The following ASAP1 variants were observed in gnomAD, a reference collection of about 807,000 sequenced individuals.
ASAP1 encodes ArfGAP with SH3 domain, ankyrin repeat and PH domain 1, also known as arf-GAP with SH3 domain, ANK repeat and PH domain-containing protein 1.
In ASAP1, 43 loss-of-function variants were observed where a neutral mutation model predicts 145.2. The ratio of observed to expected loss-of-function variants is 0.30; its 90% CI spans 0.23 to 0.38. The LOEUF (loss-of-function observed/expected upper bound fraction) is 0.38. ASAP1 is among the 10% of genes least tolerant of loss of function. ASAP1 has a pLI of 1.00. For missense variants in ASAP1, 1,018 were observed against 1,355.3 expected (o/e 0.75, Z 3.91); for synonymous variants, 546 against 515.5 (o/e 1.06, Z -0.80).
chr8:130,257,736 A>C (rs1360985392), intron 3 of ASAP1, among the ~76,000 whole-genome samples: 4 of 152,114 alleles, frequency 2.6e-5, no homozygotes, highest in African/African-American at 9.7e-5. Flanking sequence ...TGTTTTTTAA[A>C]AAATGTTTCT....
chr8:130,146,922 A>G (rs1310453504), intron 13 of ASAP1, among the ~76,000 whole-genome samples: 1 of 152,200 alleles, frequency 6.6e-6, no homozygotes, highest in African/African-American at 2.4e-5. Context: ...TAATGAAAAT[A>G]GCAATACAAA....
chr8:130,114,825 A>G (rs2097552340), intron 23 of ASAP1, among the ~76,000 whole-genome samples: 1 of 146,872 alleles, frequency 6.8e-6, no homozygotes, highest in Non-Finnish European at 1.5e-5. Context: ...TCAGGTCAAG[A>G]GTGCAGTAGT....
At chr8:130,360,713 G>A (rs1276429525) in intron 2 of ASAP1, 3 of 152,220 alleles carry the variant, frequency 2.0e-5, no homozygotes, top group African/African-American at 4.8e-5. Flanking sequence ...CACTTTAAAA[G>A]CTTGGTTTGG....
At chr8:130,064,234 C>A (rs2097425365) in intron 27 of ASAP1, among the ~76,000 whole-genome samples, 1 of 152,108 alleles carries the variant, frequency 6.6e-6, no homozygotes, top group African/African-American at 2.4e-5. Context: ...ACTGTCCAGA[C>A]AAGAGATGAT....
At chr8:130,067,924 C>G (rs942411387) in intron 27 of ASAP1, among the ~76,000 whole-genome samples, 1 of 152,188 alleles carries the variant, frequency 6.6e-6, no homozygotes, top group Non-Finnish European at 1.5e-5. Context: ...GAGCCGTACA[C>G]CACACATTTG....
chr8:130,170,695 T>C (rs1813533155), intron 9 of ASAP1, among the ~76,000 whole-genome samples: 1 of 152,112 alleles, frequency 6.6e-6, no homozygotes, highest in Non-Finnish European at 1.5e-5. Flanking sequence ...TAGTTAACCA[T>C]TTAACTGAAA....
At chr8:130,129,941 G>T (rs2097580566) in intron 15 of ASAP1, among the ~76,000 whole-genome samples, 1 of 152,200 alleles carries the variant, frequency 6.6e-6, no homozygotes, top group East Asian at 1.9e-4. Flanking sequence ...ACTAGAAATT[G>T]TTTTGTTAAA....
chr8:130,062,080 A>T (rs1339602328), intron 27 of ASAP1, among the ~76,000 whole-genome samples: 1 of 152,230 alleles, frequency 6.6e-6, no homozygotes, highest in African/African-American at 2.4e-5. Context: ...GGCAGGCTGT[A>T]AGCATTATGC....
intron 3 of ASAP1, among the ~76,000 whole-genome samples, chr8:130,278,737 C>T (rs1328845825): frequency 2.6e-5 from 4 of 152,254 alleles, no homozygotes; most frequent in East Asian, 1.9e-4. Context: ...AATATAAATA[C>T]GCATGGGTGA....
intron 1 of ASAP1, among the ~76,000 whole-genome samples, chr8:130,407,602 C>T (rs940248192): frequency 6.6e-6 from 1 of 152,224 alleles, no homozygotes; most frequent in African/African-American, 2.4e-5. Flanking sequence ...AAAGCACCTG[C>T]CTGCTAAAGT....
intron 5 of ASAP1, among the ~76,000 whole-genome samples, chr8:130,212,175 T>C (rs1398429577): frequency 6.6e-6 from 1 of 152,244 alleles, no homozygotes; most frequent in Non-Finnish European, 1.5e-5. Context: ...CTGCCTTTTA[T>C]TCAATCAGAA....
rs59481410 is a variant in ASAP1, at chr8:130,095,817, C to T, written c.2402-3674G>A. Among the ~76,000 whole-genome samples, 1,047 of 152,100 alleles carry T rather than the reference C, an allele frequency of 6.9e-3. 12 individuals are homozygous for T. Among genetic ancestry groups the T allele is most frequent in the African/African-American group, 0.024 (1,012 of 41,466 alleles). ...TATTTTTAGTAGAGATGGGGTTTCACCATGTTGGCCAGGCTGGTCTTGAAC... is the reference window on the plus strand; with the variant it reads ...TATTTTTAGTAGAGATGGGGTTTCATCATGTTGGCCAGGCTGGTCTTGAAC... On this transcript the variant is annotated intron_variant, in intron 24 of 29. Transcript: ENST00000518721.
intron 12 of ASAP1, among the ~76,000 whole-genome samples, chr8:130,155,687 C>G (rs2097657085): frequency 6.6e-6 from 1 of 152,204 alleles, no homozygotes; most frequent in Non-Finnish European, 1.5e-5. Flanking sequence ...CTTCTATTCC[C>G]AAGACTTCTA....
chr8:130,183,805 C>T (rs1814532197), intron 7 of ASAP1, among the ~76,000 whole-genome samples: 1 of 151,988 alleles, frequency 6.6e-6, no homozygotes, highest in African/African-American at 2.4e-5. Flanking sequence ...AGGTAATGGG[C>T]CACCAAAATA....
rs2097399542 is a variant in ASAP1 at position 130,054,587 on chromosome 8, C to T, written c.*144G>A. ...GCAGAAAACCACAGGATATTTACAA[C>T]ACACATTATATCCCCCTCCTGAGGT... is the stretch of plus-strand genomic sequence containing the variant. On this transcript the variant is annotated 3_prime_UTR_variant, in exon 30 of 30. Coordinates refer to ENST00000518721, the MANE Select transcript of ASAP1 (RefSeq NM_018482.4). 3.0e-6 allele frequency: 2 copies of T among 673,470 alleles called. No homozygotes were observed. The highest frequency in any genetic ancestry group is 2.3e-5 in the Admixed American group (1 of 43,650). 41.7% of individuals were successfully genotyped at this position (673,470 alleles called of 1,614,324 possible).
At chr8:130,141,172 C>G (rs1402950517) in intron 13 of ASAP1, among the ~76,000 whole-genome samples, 1 of 152,124 alleles carries the variant, frequency 6.6e-6, no homozygotes, top group East Asian at 1.9e-4. Context: ...AAAAAGAAAA[C>G]AAAACAGGAG....
At chr8:130,423,919 G>A (rs905877492) in intron 1 of ASAP1, among the ~76,000 whole-genome samples, 18 of 152,058 alleles carry the variant, frequency 1.2e-4, no homozygotes, top group Admixed American at 4.6e-4. Context: ...TGGGAAAATG[G>A]GGGGTGACTG....
chr8:130,420,659 C>G (rs978498413), intron 1 of ASAP1, among the ~76,000 whole-genome samples: 1 of 151,868 alleles, frequency 6.6e-6, no homozygotes, highest in Admixed American at 6.6e-5. Flanking sequence ...TGTGGGAGGC[C>G]GAGGCAGACG....
intron 16 of ASAP1, among the ~76,000 whole-genome samples, chr8:130,126,884 C>G (rs769758015): frequency 6.6e-6 from 1 of 152,194 alleles, no homozygotes; most frequent in Non-Finnish European, 1.5e-5. Flanking sequence ...AGGTTTGCAT[C>G]CTTGTTCTGA....
Sources: allele counts gnomAD v4.1 joint callset (sites outside exome capture counted in the v4.1 genomes callset), GRCh38; gene constraint gnomAD v4.1.1; transcripts MANE v1.5; gene names NCBI Gene and HGNC (gene_info 2026-07-23, HGNC 2026-07-21).